Variants in NRXN3 observed in about 807,000 individuals in gnomAD.
The protein encoded by NRXN3 is neurexin 3, also known as neurexin III.
Under a neutral mutation model 137.6 loss-of-function variants are expected in NRXN3, and 32 were observed. The observed-to-expected ratio is 0.23, with a 90% confidence interval of 0.18 to 0.31. The LOEUF (loss-of-function observed/expected upper bound fraction) is 0.31. Among genes scored for constraint, NRXN3 ranks in the 10% least tolerant of loss-of-function variants. The pLI is 1.00. For missense variants in NRXN3, 1,574 were observed against 2,062.5 expected (o/e 0.76, Z 4.59); for synonymous variants, 798 against 784.5 (o/e 1.02, Z -0.29).
At chr14:79,000,945 T>A (rs1265626976) in intron 15 of NRXN3, among the ~76,000 whole-genome samples, 4 of 152,176 alleles carry the variant, frequency 2.6e-5, no homozygotes, top group Non-Finnish European at 5.9e-5. Context: ...TTGGATTCCT[T>A]TAGCATATTG....
At chr14:78,765,530 A>G (rs1451870742) in intron 8 of NRXN3, among the ~76,000 whole-genome samples, 2 of 152,108 alleles carry the variant, frequency 1.3e-5, no homozygotes, top group Non-Finnish European at 2.9e-5. Context: ...GGCAGACTTC[A>G]TAGCTTCCAT....
intron 15 of NRXN3, among the ~76,000 whole-genome samples, chr14:79,458,632 T>A (rs1374233188): frequency 6.6e-6 from 1 of 152,186 alleles, no homozygotes; most frequent in Non-Finnish European, 1.5e-5. Context: ...GATTTCCATT[T>A]TGTTTGACAA....
chr14:78,392,348 T>C (rs1179216959), intron 4 of NRXN3, among the ~76,000 whole-genome samples: 2 of 152,248 alleles, frequency 1.3e-5, no homozygotes, highest in Admixed American at 1.3e-4. Context: ...TCAAAGATCG[T>C]AAGCCCTAAA....
At chr14:78,355,472 G>A (rs928430601) in intron 4 of NRXN3, among the ~76,000 whole-genome samples, 1 of 152,128 alleles carries the variant, frequency 6.6e-6, no homozygotes. Flanking sequence ...CGGGAGTGCA[G>A]TGGCACAATC....
intron 16 of NRXN3, among the ~76,000 whole-genome samples, chr14:79,563,535 A>T (rs559477246): frequency 1.3e-5 from 2 of 152,228 alleles, no homozygotes; most frequent in Admixed American, 1.3e-4. Flanking sequence ...CATAAAATTG[A>T]CAGGGATTAA....
chr14:78,748,867 C>T (rs915031274), intron 8 of NRXN3, among the ~76,000 whole-genome samples: 2 of 152,194 alleles, frequency 1.3e-5, no homozygotes, highest in African/African-American at 4.8e-5. Flanking sequence ...TTGGCACCTT[C>T]ACCCAAAGCA....
At chr14:78,630,312 G>A (rs1398566495) in intron 4 of NRXN3, among the ~76,000 whole-genome samples, 1 of 152,044 alleles carries the variant, frequency 6.6e-6, no homozygotes, top group African/African-American at 2.4e-5. Context: ...AGAAAATAGA[G>A]TTGACTACTT....
intron 15 of NRXN3, among the ~76,000 whole-genome samples, chr14:79,429,223 C>T (rs927445792): frequency 7.9e-5 from 12 of 152,092 alleles, no homozygotes; most frequent in African/African-American, 2.9e-4. Flanking sequence ...GAAATCGATT[C>T]GTGTATAGTA....
chr14:79,206,396 C>T (rs908916501), intron 15 of NRXN3, among the ~76,000 whole-genome samples: 3 of 152,196 alleles, frequency 2.0e-5, no homozygotes, highest in African/African-American at 7.2e-5. Flanking sequence ...AATCAGATGG[C>T]ATGGGCTCTA....
chr14:78,539,226 A>T (rs1014709704), intron 4 of NRXN3, among the ~76,000 whole-genome samples: 1 of 152,096 alleles, frequency 6.6e-6, no homozygotes, highest in East Asian at 1.9e-4. Flanking sequence ...AGAATTTGGC[A>T]GTGAATCCAT....
At chr14:78,352,482 G>C (rs985771918) in intron 4 of NRXN3, among the ~76,000 whole-genome samples, 1 of 152,130 alleles carries the variant, frequency 6.6e-6, no homozygotes, top group African/African-American at 2.4e-5. Context: ...AGTAACTCTA[G>C]ATAGCTCCAG....
chr14:79,091,189 G>A (rs191447130), intron 15 of NRXN3, among the ~76,000 whole-genome samples: 1 of 151,582 alleles, frequency 6.6e-6, no homozygotes, highest in East Asian at 1.9e-4. Context: ...AGGTGCACTA[G>A]ATGTTATAAA....
At chr14:78,382,044 T>C (rs1451740000) in intron 4 of NRXN3, among the ~76,000 whole-genome samples, 1 of 152,162 alleles carries the variant, frequency 6.6e-6, no homozygotes, top group Non-Finnish European at 1.5e-5. Flanking sequence ...GATATTGTAC[T>C]ATAGGTTTCA....
intron 4 of NRXN3, among the ~76,000 whole-genome samples, chr14:78,606,836 C>T (rs1023702765): frequency 4.6e-5 from 7 of 152,064 alleles, no homozygotes; most frequent in South Asian, 4.2e-4. Context: ...ATGGAGTAAG[C>T]GTTTATTGGG....
At chr14:79,051,399 G>T (rs1311650980) in intron 15 of NRXN3, among the ~76,000 whole-genome samples, 1 of 152,190 alleles carries the variant, frequency 6.6e-6, no homozygotes, top group Non-Finnish European at 1.5e-5. Flanking sequence ...ACTGAGGCAG[G>T]CGGTGTTAAA....
intron 8 of NRXN3, among the ~76,000 whole-genome samples, chr14:78,750,861 C>G (rs1044469246): frequency 1.3e-5 from 2 of 152,112 alleles, no homozygotes; most frequent in East Asian, 3.9e-4. Flanking sequence ...AGCATTGGCC[C>G]TTCCTTTAGT....
At chr14:78,960,273 T>G (rs2099405554) in intron 11 of NRXN3, among the ~76,000 whole-genome samples, 1 of 152,202 alleles carries the variant, frequency 6.6e-6, no homozygotes. Context: ...AATCTTGGGT[T>G]GCTTTTTATA....
At chr14:78,251,427 A>G (rs140126832) in intron 2 of NRXN3, among the ~76,000 whole-genome samples, 2 of 152,220 alleles carry the variant, frequency 1.3e-5, no homozygotes, top group Admixed American at 6.5e-5. Context: ...CTAATTTTGT[A>G]TTTGCAATTT....
At chr14:79,567,694 A>G (rs1305037446) in intron 16 of NRXN3, among the ~76,000 whole-genome samples, 1 of 152,092 alleles carries the variant, frequency 6.6e-6, no homozygotes, top group Non-Finnish European at 1.5e-5. Flanking sequence ...TTATTTTCAT[A>G]TTATTTTTGT....
Sources: allele counts gnomAD v4.1 joint callset (sites outside exome capture counted in the v4.1 genomes callset), GRCh38; gene constraint gnomAD v4.1.1; transcripts MANE v1.5; gene names NCBI Gene and HGNC (gene_info 2026-07-23, HGNC 2026-07-21).